The following TBCA variants were observed in gnomAD, a reference collection of about 807,000 sequenced individuals.
The protein encoded by TBCA is tubulin folding cofactor A.
TBCA carries 6 observed loss-of-function variants against 15.8 expected under a neutral mutation model. The observed-to-expected ratio is 0.38, with a 90% CI of 0.21 to 0.75. TBCA has a LOEUF of 0.75. Among genes scored for constraint, TBCA ranks in the 30% least tolerant of loss-of-function variants. TBCA has a pLI of 0.46. For missense variants in TBCA, 90 were observed against 131.2 expected, an observed-to-expected ratio of 0.69 and a Z score of 1.53; for synonymous variants, 32 against 42.3, an observed-to-expected ratio of 0.76 and a Z score of 0.94.
intron 3 of TBCA, chr5:77,691,846 G>A: frequency 1.0e-6 from 1 of 1,002,152 alleles, no homozygotes; most frequent in Non-Finnish European, 1.2e-6. Context: ...AAGTAAAAAG[G>A]AAGATTTACT....
intron 1 of TBCA, among the ~76,000 whole-genome samples, chr5:77,731,382 C>T (rs1482342925): frequency 6.6e-6 from 1 of 152,178 alleles, no homozygotes. Flanking sequence ...GTTTCCTCAA[C>T]TGCAAAGCAA....
At chr5:77,709,916 T>A (rs1388593027) in intron 1 of TBCA, among the ~76,000 whole-genome samples, 1 of 152,174 alleles carries the variant, frequency 6.6e-6, no homozygotes, top group Non-Finnish European at 1.5e-5. Flanking sequence ...AAAGGCTACA[T>A]ATTGTATGAT....
chr5:77,752,535 T>TAATAGAGACGGA (rs1561280998), intron 1 of TBCA, among the ~76,000 whole-genome samples: 7 of 94,366 alleles, frequency 7.4e-5, no homozygotes, highest in African/African-American at 1.5e-4. Context: ...GGCTTATTTT[T>TAATAGAGACGGA]GTTTTGTTTT....
chr5:77,763,526 A>G (rs968324387), intron 1 of TBCA, among the ~76,000 whole-genome samples: 1 of 152,170 alleles, frequency 6.6e-6, no homozygotes, highest in Non-Finnish European at 1.5e-5. Context: ...CTTAACGTTC[A>G]ATGTAACGCT....
At chr5:77,692,972 A>G (rs547799494) in intron 3 of TBCA, 5 of 1,334,618 alleles carry the variant, frequency 3.7e-6, no homozygotes, top group Non-Finnish European at 4.8e-6. Context: ...ATGTATGAAA[A>G]CCAAATAATC....
chr5:77,750,338 T>C (rs1007120246), intron 1 of TBCA, among the ~76,000 whole-genome samples: 15 of 152,112 alleles, frequency 9.9e-5, no homozygotes, highest in Admixed American at 9.8e-4. Flanking sequence ...ACTTGAAATG[T>C]CACAAAGTAA....
intron 1 of TBCA, among the ~76,000 whole-genome samples, chr5:77,717,555 C>T (rs941696832): frequency 2.1e-4 from 32 of 152,080 alleles, no homozygotes; most frequent in African/African-American, 7.0e-4. Context: ...TTTAGTCGGG[C>T]GCAGTGGCTC....
At chr5:77,699,024 C>A (rs1745938281) in intron 2 of TBCA, among the ~76,000 whole-genome samples, 1 of 39,110 alleles carries the variant, frequency 2.6e-5, no homozygotes, top group African/African-American at 1.3e-4. Context: ...ATACCATTTG[C>A]AAGAGCATCA....
At position 77,711,972 on chromosome 5, in the gene TBCA, G is replaced by GA. The variant is rs1209190062; in HGVS notation, c.54-3626dup. Among the ~76,000 whole-genome samples the GA allele has an allele frequency of 5.5e-3, 741 of 135,006 alleles. 6 individuals carry two copies. The highest frequency in any genetic ancestry group is 0.015 in the African/African-American group (543 of 36,882). The allele number at this position is 135,006 out of a possible 152,430, so 88.6% of individuals were successfully genotyped here. A position where few individuals can be genotyped will look rare whatever the true frequency, so the allele number is the denominator to read the frequency against. On this transcript the variant is annotated intron_variant, in intron 1 of 3. Coordinates refer to ENST00000380377, the MANE Select transcript of TBCA (RefSeq NM_004607.3). The stretch of plus-strand genomic sequence containing the variant: ...GAATAGCATGTGTTGCCCTGAAAAA[G>GA]AAAAAAAAAAAATCAGTCAGTTAGT...
chr5:77,739,825 C>T (rs1290002103), intron 1 of TBCA, among the ~76,000 whole-genome samples: 1 of 152,196 alleles, frequency 6.6e-6, no homozygotes, highest in Non-Finnish European at 1.5e-5. Context: ...CAACTAGAAA[C>T]TCAGTTATCC....
chr5:77,715,108 T>A, intron 1 of TBCA: 1 of 615,738 alleles, frequency 1.6e-6, no homozygotes, highest in Non-Finnish European at 2.9e-6. Flanking sequence ...AGAGGACACA[T>A]GAGTTAAGAT....
At chr5:77,731,171 G>A (rs891293639) in intron 1 of TBCA, among the ~76,000 whole-genome samples, 2 of 152,116 alleles carry the variant, frequency 1.3e-5, no homozygotes, top group African/African-American at 2.4e-5. Context: ...AGTGAGAAGC[G>A]AGCCCATTTC....
chr5:77,767,550 T>G (rs145386809), intron 1 of TBCA, among the ~76,000 whole-genome samples: 29 of 152,318 alleles, frequency 1.9e-4, no homozygotes, highest in African/African-American at 7.0e-4. Context: ...AAACTGGCCT[T>G]GCCACATTTT....
intron 1 of TBCA, among the ~76,000 whole-genome samples, chr5:77,737,626 G>C (rs943784562): frequency 1.3e-5 from 2 of 151,998 alleles, no homozygotes; most frequent in African/African-American, 4.8e-5. Flanking sequence ...ATGATCCCTC[G>C]GGTATGCTGC....
At chr5:77,751,569 A>G (rs1001912427) in intron 1 of TBCA, among the ~76,000 whole-genome samples, 1 of 151,862 alleles carries the variant, frequency 6.6e-6, no homozygotes, top group Non-Finnish European at 1.5e-5. Context: ...TTCCAATTTT[A>G]TTTTTGATTT....
intron 1 of TBCA, among the ~76,000 whole-genome samples, chr5:77,736,713 G>A (rs994798202): frequency 1.3e-5 from 2 of 152,054 alleles, no homozygotes; most frequent in Non-Finnish European, 2.9e-5. Context: ...TCTAGACCTA[G>A]CTCAAATACC....
chr5:77,725,039 A>G (rs1273451303), intron 1 of TBCA, among the ~76,000 whole-genome samples: 1 of 151,458 alleles, frequency 6.6e-6, no homozygotes, highest in Non-Finnish European at 1.5e-5. Context: ...CCAATATTAT[A>G]CAGTTAGCCC....
rs554690421 is a variant in TBCA at position 77,711,067 on chromosome 5, C to T, written c.54-2720G>A. On this transcript the variant is annotated intron_variant, in intron 1 of 3. Coordinates refer to ENST00000380377, the MANE Select transcript of TBCA (RefSeq NM_004607.3). ...GCAAACTATGGCCAGGGAGCCAAATCTGGTTGGTCATCTGTTTTTGTATAG... is the reference window on the plus strand; with the variant it reads ...GCAAACTATGGCCAGGGAGCCAAATTTGGTTGGTCATCTGTTTTTGTATAG... 3.9e-5 allele frequency among the ~76,000 whole-genome samples: 6 copies of T among 152,226 alleles called. No homozygotes were observed. The East Asian group carries it at 9.7e-4, about 24-fold the overall frequency.
At chr5:77,694,909 ACAT>A (rs1221674511) in intron 2 of TBCA, among the ~76,000 whole-genome samples, 2 of 152,210 alleles carry the variant, frequency 1.3e-5, no homozygotes, top group African/African-American at 4.8e-5. Flanking sequence ...TTCAAACATA[ACAT>A]CATTATTTTA....
Sources: allele counts gnomAD v4.1 joint callset (sites outside exome capture counted in the v4.1 genomes callset), GRCh38; gene constraint gnomAD v4.1.1; transcripts MANE v1.5; gene names NCBI Gene and HGNC (gene_info 2026-07-23, HGNC 2026-07-21).